Variants in TUT4 observed in about 807,000 individuals in gnomAD.
TUT4 encodes terminal uridylyl transferase 4.
In TUT4, 36 loss-of-function variants were observed where a neutral mutation model predicts 192.2. The observed-to-expected ratio is 0.19, with a 90% CI of 0.14 to 0.25. The LOEUF (loss-of-function observed/expected upper bound fraction) is 0.25, where lower values mean the gene tolerates loss of function less well. Among genes scored for constraint, TUT4 ranks in the 10% least tolerant of loss-of-function variants. The probability of loss-of-function intolerance (pLI) is 1.00; values close to 1 mark genes in which losing one functional copy is unlikely to be tolerated. For missense variants in TUT4, 1,493 were observed against 1,957.2 expected, an observed-to-expected ratio of 0.76 and a Z score of 4.47; for synonymous variants, 618 against 666.0, an observed-to-expected ratio of 0.93 and a Z score of 1.11.
chr1:52,495,363 G>A (rs1046491480), intron 6 of TUT4, 64 bp downstream of exon 6: 29 of 1,023,620 alleles, frequency 2.8e-5, no homozygotes, highest in Admixed American at 6.4e-5. Context: ...TCTCTACAAA[G>A]ATAATCCATA....
At position 52,444,958 on chromosome 1, in the gene TUT4, C is replaced by T. The variant is rs201417724; in HGVS notation, c.3822+829G>A. On this transcript the variant is annotated intron_variant, in intron 24 of 29. Coordinates refer to ENST00000257177, the MANE Select transcript of TUT4 (RefSeq NM_001009881.3). The stretch of plus-strand genomic sequence containing the variant: ...ATGTATATACATGTATGTGTATATA[C>T]ATGTATATACATGTATATGTGTGTA... Among the ~76,000 whole-genome samples the T allele has an allele frequency of 2.7e-3, 370 of 136,800 alleles. 5 individuals carry two copies. Among genetic ancestry groups the T allele is most frequent in the African/African-American group, 8.6e-3 (317 of 36,760 alleles). 89.7% of individuals were successfully genotyped at this position (136,800 alleles called of 152,430 possible).
At chr1:52,523,002 T>TA (rs1680709818) in intron 2 of TUT4, among the ~76,000 whole-genome samples, 1 of 140,986 alleles carries the variant, frequency 7.1e-6, no homozygotes, top group Non-Finnish European at 1.6e-5. Flanking sequence ...TTTTTTTTTT[T>TA]TTTTTTTTGA....
chr1:52,543,503 A>C lies in TUT4; in HGVS notation c.-94+9428T>G, dbSNP rs551208318. 2.6e-3 allele frequency among the ~76,000 whole-genome samples: 316 copies of C among 122,696 alleles called. 2 individuals carry two copies. The highest frequency in any genetic ancestry group is 0.011 in the African/African-American group (306 of 28,028). 80.5% of individuals were successfully genotyped at this position (122,696 alleles called of 152,430 possible). A position where few individuals can be genotyped will look rare whatever the true frequency, so the allele number is the denominator to read the frequency against. ...CTTAATTTTTTTTTTTTTTTTTTTG[A>C]GATGGAGTCTCGCTCTCTCTCCCAG... On this transcript the variant is annotated intron_variant, in intron 1 of 29. Coordinates refer to ENST00000257177, the MANE Select transcript of TUT4 (RefSeq NM_001009881.3).
rs760571903 is a variant in TUT4 at position 52,477,876 on chromosome 1, A to C, written c.1855T>G (p.Leu619Val). Reference sequence around the variant, plus strand: ...ACCCGATTTGGTGTTTCCAATGCTAAAGGAGACTGGAAAAGAAAAAATACT... The same window carrying C: ...ACCCGATTTGGTGTTTCCAATGCTACAGGAGACTGGAAAAGAAAAAATACT... ...AMKEKHGKSP[L>V]ALETPNRVSL... The change falls in exon 12 of 30, where the codon TTA becomes GTA. Residue 619 changes from leucine (L) to valine (V), a missense_variant. Physicochemically the swap from Leu to Val is conservative, Grantham distance 32. Around this residue, in one of 7 missense-constraint regions of TUT4, gnomAD observed 437 missense variants for 577.6 expected, o/e 0.76. Coordinates refer to ENST00000257177, the MANE Select transcript of TUT4 (RefSeq NM_001009881.3). The C allele has an allele frequency of 6.3e-7, 1 of 1,582,996 alleles. No homozygotes were observed. Among genetic ancestry groups the C allele is most frequent in the South Asian group, 1.2e-5 (1 of 85,790 alleles).
At chr1:52,541,013 C>T (rs1367269414) in intron 1 of TUT4, among the ~76,000 whole-genome samples, 3 of 151,766 alleles carry the variant, frequency 2.0e-5, no homozygotes, top group Non-Finnish European at 4.4e-5. Context: ...AGGGACCAGC[C>T]TGGCCAACAT....
chr1:52,504,046 CAA>C (rs1365156671), intron 4 of TUT4, among the ~76,000 whole-genome samples: 1 of 152,178 alleles, frequency 6.6e-6, no homozygotes. Context: ...GTAAGTGTCT[CAA>C]ACTCAGAATG....
intron 9 of TUT4, among the ~76,000 whole-genome samples, chr1:52,483,715 C>T (rs1218733010): frequency 6.6e-6 from 1 of 152,032 alleles, no homozygotes; most frequent in Non-Finnish European, 1.5e-5. Flanking sequence ...GAGGCTGAGA[C>T]AGGAGAATCA....
At chr1:52,496,883 A>C in intron 5 of TUT4, 123 bp downstream of exon 5, 2 of 966,930 alleles carry the variant, frequency 2.1e-6, no homozygotes, top group Non-Finnish European at 2.9e-6. Context: ...TTCATAAAAC[A>C]ATAAATTTTA....
At chr1:52,494,789 T>A (rs1672060222) in intron 6 of TUT4, among the ~76,000 whole-genome samples, 1 of 152,152 alleles carries the variant, frequency 6.6e-6, no homozygotes, top group East Asian at 1.9e-4. Context: ...CAAACCTCCC[T>A]GAACATAAAC....
intron 24 of TUT4, among the ~76,000 whole-genome samples, chr1:52,443,490 G>A (rs377165379): frequency 1.1e-4 from 16 of 151,998 alleles, no homozygotes; most frequent in Admixed American, 3.3e-4. Context: ...TTGGGAGGCC[G>A]AGGCAGGAGA....
intron 19 of TUT4, among the ~76,000 whole-genome samples, chr1:52,460,638 G>A (rs1437234489): frequency 6.6e-6 from 1 of 152,022 alleles, no homozygotes; most frequent in Non-Finnish European, 1.5e-5. Context: ...CACAAAGCAG[G>A]CACTACAATG....
chr1:52,528,180 A>G (rs952337016), intron 1 of TUT4, among the ~76,000 whole-genome samples: 99 of 142,842 alleles, frequency 6.9e-4, no homozygotes, highest in Non-Finnish European at 1.2e-3. Context: ...CTCCATCTCG[A>G]AAAAAATAAT....
chr1:52,539,432 G>C (rs1351225236), intron 1 of TUT4, among the ~76,000 whole-genome samples: 4 of 152,134 alleles, frequency 2.6e-5, no homozygotes, highest in Admixed American at 2.6e-4. Flanking sequence ...CAGGACACCA[G>C]TCTCACAAGA....
chr1:52,446,553 T>C (rs1657576446), intron 21 of TUT4, 37 bp downstream of exon 21: 3 of 1,568,226 alleles, frequency 1.9e-6, no homozygotes, highest in African/African-American at 2.8e-5. Flanking sequence ...CATATATCAG[T>C]GAGCATTCTA....
In TUT4 at chr1:52,445,783, T is replaced by C; in HGVS notation, c.3822+4A>G. 1 of 1,594,670 alleles carries C rather than the reference T, an allele frequency of 6.3e-7. No homozygotes were observed. ...GATTCACAATTCATATAATGTAAAC[T>C]TACAGCTTCTCTGCCAATGAGTGGA... On this transcript the variant is annotated splice_donor_region_variant and intron_variant, in intron 24 of 29. Coordinates refer to ENST00000257177, the MANE Select transcript of TUT4 (RefSeq NM_001009881.3).
Position 52,475,151 on chromosome 1 carries a change from C to T in TUT4, c.2408G>A (p.Ser803Asn). 1 of 1,614,060 alleles carries T rather than the reference C, an allele frequency of 6.2e-7. No homozygotes were observed. Among genetic ancestry groups the T allele is most frequent in the Non-Finnish European group, 8.5e-7 (1 of 1,180,012 alleles). Residue 803 changes from serine (S) to asparagine (N), a missense_variant, in exon 13 of 30, where the codon AGC becomes AAC. Ser to Asn is a conservative substitution (Grantham distance 46, BLOSUM62 1). Coordinates refer to ENST00000257177, the MANE Select transcript of TUT4 (RefSeq NM_001009881.3). ...HGQDSSSLST[S>N]KSSEIEPKLD... is the part of the protein sequence containing the mutation. The stretch of plus-strand genomic sequence containing the variant: ...TTTTGGCTCTATTTCACTGCTTTTG[C>T]TGGTAGAAAGAGATGAAGAGTCCTG...
intron 1 of TUT4, among the ~76,000 whole-genome samples, chr1:52,541,387 C>G (rs1301159430): frequency 6.6e-6 from 1 of 151,822 alleles, no homozygotes; most frequent in African/African-American, 2.4e-5. Flanking sequence ...CAAAAATTAG[C>G]TGAACATGGT....
chr1:52,490,872 T>C, intron 7 of TUT4, 71 bp from the exon 8 acceptor site: 1 of 1,225,408 alleles, frequency 8.2e-7, no homozygotes, highest in Non-Finnish European at 1.2e-6. Flanking sequence ...AAACATTAAG[T>C]AACAGTTTCC....
intron 20 of TUT4, among the ~76,000 whole-genome samples, chr1:52,451,232 C>G (rs1415520993): frequency 6.6e-6 from 1 of 150,586 alleles, no homozygotes; most frequent in East Asian, 2.0e-4. Context: ...CGCCACTGCA[C>G]TCCAGCCTGG....
Sources: allele counts gnomAD v4.1 joint callset (sites outside exome capture counted in the v4.1 genomes callset), GRCh38; gene constraint gnomAD v4.1.1; regional missense constraint gnomAD v4.1.1; transcripts MANE v1.5; gene names NCBI Gene and HGNC (gene_info 2026-07-23, HGNC 2026-07-21).